ENKD1: variants seen among roughly 807,000 people sequenced by gnomAD.
ENKD1 encodes enkurin domain-containing protein 1.
Under a neutral mutation model 35.8 loss-of-function variants are expected in ENKD1, and 39 were observed. The ratio of observed to expected loss-of-function variants is 1.09; its 90% CI spans 0.84 to 1.42. ENKD1 has a LOEUF of 1.42. ENKD1 is among the 40% of genes most tolerant of loss of function. The pLI is 0.00. For missense variants in ENKD1, 474 were observed against 471.3 expected, an observed-to-expected ratio of 1.01 and a Z score of -0.05; for synonymous variants, 205 against 198.6, an observed-to-expected ratio of 1.03 and a Z score of -0.27.
intron 3 of ENKD1, chr16:67,664,344 T>G (rs937485150): frequency 8.0e-6 from 4 of 501,156 alleles, no homozygotes; most frequent in Admixed American, 5.5e-5. Flanking sequence ...GCAAGGCTCC[T>G]AACAGCTGGC....
At position 67,666,558 on chromosome 16, in the gene ENKD1, CGTGCCCGCCACTCCCGGGCCCCTGCCG is replaced by C; in HGVS notation, c.-143_-117del. 9.8e-7 allele frequency: 1 copy of C among 1,018,912 alleles called. No individual in the cohort carries two copies. The highest frequency in any genetic ancestry group is 1.3e-6 in the Non-Finnish European group (1 of 750,780). 63.1% of individuals were successfully genotyped at this position (1,018,912 alleles called of 1,614,324 possible). On this transcript the variant is annotated 5_prime_UTR_variant, in exon 1 of 7. Coordinates refer to ENST00000243878, the MANE Select transcript of ENKD1 (RefSeq NM_032140.3). ...CCCTCGCCCGGCACCCTGACCCTGG[CGTGCCCGCCACTCCCGGGCCCCTGCCG>C]GTCCCCGCCTGGGCCCCGGCCTCGC...
At position 67,662,976 on chromosome 16, in the gene ENKD1, G is replaced by A. The variant is rs921918117; in HGVS notation, c.*185C>T. Reference sequence around the variant, plus strand: ...GTACAAAATGTTTAATTTTGACAAAGCAGTTAAAAGGCTAGGGTGGCCCTT... The same window carrying A: ...GTACAAAATGTTTAATTTTGACAAAACAGTTAAAAGGCTAGGGTGGCCCTT... On this transcript the variant is annotated 3_prime_UTR_variant, in exon 7 of 7. Transcript: ENST00000243878. This position sits in a 1 kb window ranked among gnomAD's most constrained non-coding sequence, Gnocchi z 6.9. The A allele has an allele frequency of 1.2e-5, 8 of 674,936 alleles. No homozygotes were observed. The highest frequency in any genetic ancestry group is 1.5e-5 in the Non-Finnish European group (6 of 409,876). The allele number at this position is 674,936 out of a possible 1,614,324, so 41.8% of individuals were successfully genotyped here.
rs1378896778 is a variant in ENKD1, at chr16:67,664,011, AGT to A, written c.503_504del (p.His168LeufsTer14). 1 of 1,574,060 alleles carries A rather than the reference AGT, an allele frequency of 6.4e-7. No homozygotes were observed. The highest frequency in any genetic ancestry group is 1.4e-5 in the African/African-American group (1 of 74,058). ...GGTGGGAGGCCAGGGCCGCAGCGGG[AGT>A]GCGCCCGCAGGAAGTGGGCAGACTC... Reference protein sequence around the residue: ...GTESAHFLRAHSRCGPGLPPP... With the variant: ...GTESAHFLRAXSRCGPGLPPP... On this transcript the variant is annotated frameshift_variant, in exon 4 of 7. Coordinates refer to ENST00000243878, the MANE Select transcript of ENKD1 (RefSeq NM_032140.3). LOFTEE classifies it high-confidence loss of function.
rs746722191 is a variant in ENKD1 at position 67,663,785 on chromosome 16, A to C, written c.615T>G (p.Asn205Lys). ...PGLGVDFIRH[N>K]ARAAKRAPRR... ...GGGGGGCTCTCTTGGCAGCTCGTGC[A>C]TTGTGACGAATGAAGTCCACCCCCA... Residue 205 changes from asparagine (N) to lysine (K), a missense_variant, in exon 5 of 7, where the codon AAT (asparagine) becomes AAG (lysine). Asn to Lys is a moderately conservative substitution (Grantham distance 94). Coordinates refer to ENST00000243878, the MANE Select transcript of ENKD1 (RefSeq NM_032140.3). 1 of 1,608,780 alleles carries C rather than the reference A, an allele frequency of 6.2e-7. No homozygotes were observed. Among genetic ancestry groups the C allele is most frequent in the Admixed American group, 1.7e-5 (1 of 59,402 alleles).
rs1427477726 is a variant in ENKD1, at chr16:67,664,086, A to G, written c.454-24T>C. The stretch of plus-strand genomic sequence containing the variant: ...TCCTGGAGGGCAGGGCACAGCAGAG[A>G]GAGCAGGCAGGCTGAGGTCTGGGGC... On this transcript the variant is annotated intron_variant, in intron 3 of 6. Coordinates refer to ENST00000243878, the MANE Select transcript of ENKD1 (RefSeq NM_032140.3). 3.9e-6 allele frequency: 6 copies of G among 1,548,950 alleles called. No homozygotes were observed. In the African/African-American group the frequency reaches 5.5e-5, roughly 14 times the overall value.
At chr16:67,664,626 G>C (rs2053075618) in intron 3 of ENKD1, 2 of 309,980 alleles carry the variant, frequency 6.5e-6, no homozygotes, top group Non-Finnish European at 1.2e-5. Context: ...CAGAAATAAG[G>C]GCTGAAAAGT....
In ENKD1 at chr16:67,663,005, CA is replaced by C; in HGVS notation, c.*155del. The C allele has an allele frequency of 1.2e-6, 1 of 826,922 alleles. No individual in the cohort carries two copies. Among genetic ancestry groups the C allele is most frequent in the Non-Finnish European group, 1.8e-6 (1 of 542,942 alleles). 51.2% of individuals were successfully genotyped at this position (826,922 alleles called of 1,614,324 possible). A position where few individuals can be genotyped will look rare whatever the true frequency, so the allele number is the denominator to read the frequency against. On this transcript the variant is annotated 3_prime_UTR_variant, in exon 7 of 7. Transcript: ENST00000243878. ...TTAAAAGGCTAGGGTGGCCCTTCTG[CA>C]GCCACTGGTGACTGGGAAGAGTGCT... is the stretch of plus-strand genomic sequence containing the variant.
rs190344555 is a variant in ENKD1 at position 67,666,746 on chromosome 16, C to T, written c.-304G>A. 3.3e-4 allele frequency: 157 copies of T among 477,778 alleles called. 2 individuals are homozygous for T. In the East Asian group the frequency reaches 5.5e-3, roughly 17 times the overall value. The allele number at this position is 477,778 out of a possible 1,614,324, so 29.6% of individuals were successfully genotyped here. A position where few individuals can be genotyped will look rare whatever the true frequency, so the allele number is the denominator to read the frequency against. On this transcript the variant is annotated 5_prime_UTR_variant, in exon 1 of 7. Transcript: ENST00000243878. ...GCCACCCGACGGGACTTGTTGTTGC[C>T]GGGCAACCGTGGCTTCCGTCCCCGG...
chr16:67,664,023 G>C lies in ENKD1; in HGVS notation c.493C>G (p.Leu165Val). The stretch of plus-strand genomic sequence containing the variant: ...GGGCCGCAGCGGGAGTGCGCCCGCA[G>C]GAAGTGGGCAGACTCTGTCCCAGAG... ...PASGTESAHFLRAHSRCGPGL... is the reference protein window; with the variant it reads ...PASGTESAHFVRAHSRCGPGL... The change falls in exon 4 of 7, where the codon CTG becomes GTG. Residue 165 changes from leucine (L) to valine (V), a missense_variant. By Grantham distance (32) the Leu-to-Val change is conservative. Coordinates refer to ENST00000243878, the MANE Select transcript of ENKD1 (RefSeq NM_032140.3). 6.4e-7 allele frequency: 1 copy of C among 1,566,006 alleles called. No homozygotes were observed. The highest frequency in any genetic ancestry group is 8.7e-7 in the Non-Finnish European group (1 of 1,154,614).
chr16:67,664,608 A>T (rs1306120663), intron 3 of ENKD1: 2 of 304,432 alleles, frequency 6.6e-6, no homozygotes, highest in Non-Finnish European at 1.2e-5. Context: ...TGCCCTTCCC[A>T]CTGTCCTCAG....
At position 67,666,207 on chromosome 16, in the gene ENKD1, G is replaced by A. The variant is rs758467698; in HGVS notation, c.144C>T (p.Ala48=). The change falls in exon 2 of 7, where the codon GCC becomes GCT. Residue 48 remains alanine (A), a synonymous_variant. Transcript: ENST00000243878. The stretch of plus-strand genomic sequence containing the variant: ...GGCCACGGGGAGCGGTGGTGTCCAG[G>A]GCCCGGTCGGAAGTCAGCAAGTCCA... ...LKLDLLTSDR[A]LDTTAPRGPC... The A allele has an allele frequency of 3.1e-6, 5 of 1,610,230 alleles. No homozygotes were observed. The highest frequency in any genetic ancestry group is 2.2e-5 in the South Asian group (2 of 90,926).
chr16:67,665,910 C>G (rs1013395614), intron 2 of ENKD1, among the ~76,000 whole-genome samples, 161 bp downstream of exon 2: 1 of 152,360 alleles, frequency 6.6e-6, no homozygotes, highest in East Asian at 1.9e-4. Flanking sequence ...AGTTCACCTC[C>G]TTCGAGAAGG....
At chr16:67,663,583 T>C (rs745781474) in intron 5 of ENKD1, 27 bp from the exon 6 acceptor site, 1 of 1,607,698 alleles carries the variant, frequency 6.2e-7, no homozygotes, top group Non-Finnish European at 8.5e-7. Flanking sequence ...TCAGAGTTGA[T>C]GACCCGAGGG....
rs2142988246 is a variant in ENKD1, at chr16:67,666,485, G to A, written c.-43C>T. On this transcript the variant is annotated 5_prime_UTR_variant, in exon 1 of 7. Coordinates refer to ENST00000243878, the MANE Select transcript of ENKD1 (RefSeq NM_032140.3). ...GCAACGGTGCCCCGAGGCCTGCAGG[G>A]CTGTTTACCTCCCTCCCCGGGCCCC... The A allele has an allele frequency of 7.0e-7, 1 of 1,426,736 alleles. No individual in the cohort carries two copies. Among genetic ancestry groups the A allele is most frequent in the South Asian group, 1.4e-5 (1 of 70,106 alleles). The allele number at this position is 1,426,736 out of a possible 1,614,324, so 88.4% of individuals were successfully genotyped here.
chr16:67,663,805 C>T lies in ENKD1; in HGVS notation c.595G>A (p.Val199Met), dbSNP rs763323944. 3.1e-6 allele frequency: 5 copies of T among 1,605,992 alleles called. No individual in the cohort carries two copies. In the African/African-American group the frequency reaches 6.7e-5, roughly 21 times the overall value. The change falls in exon 5 of 7, where the codon GTG becomes ATG. Residue 199 changes from valine to methionine, a missense_variant. Physicochemically the swap from Val to Met is conservative, Grantham distance 21. Coordinates refer to ENST00000243878, the MANE Select transcript of ENKD1 (RefSeq NM_032140.3). ...CGTGCATTGTGACGAATGAAGTCCACCCCCAGGCCTGGCTCCTGCAGGACA... is the reference window on the plus strand; with the variant it reads ...CGTGCATTGTGACGAATGAAGTCCATCCCCAGGCCTGGCTCCTGCAGGACA... ...GPEAKEPGLG[V>M]DFIRHNARAA...
chr16:67,663,344 G>A (rs759145202), intron 6 of ENKD1, 23 bp from the exon 7 acceptor site: 6 of 1,612,896 alleles, frequency 3.7e-6, no homozygotes, highest in Admixed American at 3.3e-5. Flanking sequence ...CGGGAACAGT[G>A]AGAACAGTGA....
Position 67,666,509 on chromosome 16 carries a change from C to T in ENKD1, c.-67G>A. 7.4e-7 allele frequency: 1 copy of T among 1,346,928 alleles called. No homozygotes were observed. 83.4% of individuals were successfully genotyped at this position (1,346,928 alleles called of 1,614,324 possible). ...GGCTGTTTACCTCCCTCCCCGGGCC[C>T]CCTTCCCCAACCCCGGGCCCCCTCC... On this transcript the variant is annotated 5_prime_UTR_variant, in exon 1 of 7. Transcript: ENST00000243878.
rs1181062512 is a variant in ENKD1, at chr16:67,666,285, G to A, written c.86-20C>T. 11 of 1,599,326 alleles carry A rather than the reference G, an allele frequency of 6.9e-6. No homozygotes were observed. In the East Asian group the frequency reaches 1.1e-4, roughly 16 times the overall value. The stretch of plus-strand genomic sequence containing the variant: ...CTTGAGCTGTGGGGCGGAGCCGGGC[G>A]GAGTCCGGGGCTCAGAGGTGGAGCC... On this transcript the variant is annotated intron_variant, in intron 1 of 6. Coordinates refer to ENST00000243878, the MANE Select transcript of ENKD1 (RefSeq NM_032140.3).
rs916250581 is a variant in ENKD1 at position 67,666,738 on chromosome 16, G to A, written c.-296C>T. 1 of 481,024 alleles carries A rather than the reference G, an allele frequency of 2.1e-6. No individual in the cohort carries two copies. Among genetic ancestry groups the A allele is most frequent in the East Asian group, 3.5e-5 (1 of 28,412 alleles). 29.8% of individuals were successfully genotyped at this position (481,024 alleles called of 1,614,324 possible). On this transcript the variant is annotated 5_prime_UTR_variant, in exon 1 of 7. Coordinates refer to ENST00000243878, the MANE Select transcript of ENKD1 (RefSeq NM_032140.3). ...CAGCCGCTGCCACCCGACGGGACTT[G>A]TTGTTGCCGGGCAACCGTGGCTTCC...
Sources: allele counts gnomAD v4.1 joint callset (sites outside exome capture counted in the v4.1 genomes callset), GRCh38; gene constraint gnomAD v4.1.1; non-coding constraint Gnocchi (gnomAD v3.1); transcripts MANE v1.5; gene names NCBI Gene and HGNC (gene_info 2026-07-23, HGNC 2026-07-21).